The following AKT3 variants were observed in gnomAD, a reference collection of about 807,000 sequenced individuals.
The protein encoded by AKT3 is AKT serine/threonine kinase 3.
In AKT3, 15 loss-of-function variants were observed where a neutral mutation model predicts 65.3. The observed-to-expected ratio is 0.23, with a 90% CI of 0.15 to 0.35. The LOEUF (loss-of-function observed/expected upper bound fraction) is 0.35, where lower values mean the gene tolerates loss of function less well. Ranked by LOEUF, AKT3 falls within the 10% of genes least tolerant of loss-of-function variation. AKT3 has a pLI of 1.00. For missense variants in AKT3, 243 were observed against 576.5 expected, an observed-to-expected ratio of 0.42 and a Z score of 5.92; for synonymous variants, 206 against 183.8, an observed-to-expected ratio of 1.12 and a Z score of -0.98.
At chr1:243,495,879 G>C (rs570690376), downstream of AKT3, among the ~76,000 whole-genome samples, 1 of 152,298 alleles carries the variant, frequency 6.6e-6, no homozygotes, top group East Asian at 1.9e-4. Flanking sequence ...TCATCTGCCA[G>C]AGCAAGCAGG....
chr1:243,704,492 C>T (rs1315739178), intron 2 of AKT3, among the ~76,000 whole-genome samples: 1 of 152,112 alleles, frequency 6.6e-6, no homozygotes, highest in Non-Finnish European at 1.5e-5. Context: ...TCTTAGTGAT[C>T]CAGAATGTCA....
intron 6 of AKT3, among the ~76,000 whole-genome samples, chr1:243,626,819 G>A (rs574550521): frequency 1.4e-3 from 213 of 152,262 alleles, no homozygotes; most frequent in Non-Finnish European, 2.5e-3. Flanking sequence ...GGAAGTACTT[G>A]CATCCACATT....
chr1:243,495,621 T>G (rs1012239841), downstream of AKT3, among the ~76,000 whole-genome samples: 8 of 152,218 alleles, frequency 5.3e-5, no homozygotes, highest in African/African-American at 1.9e-4. Context: ...GTCGCTGTGC[T>G]GGGGACAGCA....
intron 9 of AKT3, among the ~76,000 whole-genome samples, chr1:243,566,551 T>C (rs563599615): frequency 2.0e-5 from 3 of 152,184 alleles, no homozygotes; most frequent in African/African-American, 7.2e-5. Flanking sequence ...TGGGGACTGG[T>C]AGCATACTGC....
At chr1:243,696,712 G>T (rs1165563362) in intron 2 of AKT3, among the ~76,000 whole-genome samples, 1 of 151,904 alleles carries the variant, frequency 6.6e-6, no homozygotes, top group East Asian at 1.9e-4. Flanking sequence ...TCACAGTTAG[G>T]TCAATACTGC....
intron 2 of AKT3, among the ~76,000 whole-genome samples, chr1:243,805,795 G>A (rs1388185001): frequency 6.6e-6 from 1 of 152,078 alleles, no homozygotes; most frequent in Non-Finnish European, 1.5e-5. Flanking sequence ...AGTAAAGTGT[G>A]TGTTTCTCAT....
chr1:243,616,800 TTG>T (rs1306807739), intron 6 of AKT3, among the ~76,000 whole-genome samples: 1 of 152,178 alleles, frequency 6.6e-6, no homozygotes, highest in African/African-American at 2.4e-5. Context: ...GTAAGATCAA[TTG>T]TGTCTGAACA....
At chr1:243,628,700 G>T (rs536149404) in intron 6 of AKT3, among the ~76,000 whole-genome samples, 35 of 152,270 alleles carry the variant, frequency 2.3e-4, no homozygotes, top group Admixed American at 1.4e-3. Flanking sequence ...CTTACAAAGA[G>T]CTCTCACTGA....
intron 10 of AKT3, 114 bp downstream of exon 10, chr1:243,563,606 G>C (rs1673949849): frequency 7.5e-7 from 1 of 1,325,660 alleles, no homozygotes; most frequent in Admixed American, 2.7e-5. Flanking sequence ...TTTGATTCAG[G>C]TTGAAATATA....
At chr1:243,561,778 C>T (rs1286504000) in intron 10 of AKT3, among the ~76,000 whole-genome samples, 1 of 152,156 alleles carries the variant, frequency 6.6e-6, no homozygotes, top group African/African-American at 2.4e-5. Flanking sequence ...ACCTTTGCAA[C>T]AGGTACCATC....
intron 1 of AKT3, chr1:243,843,592 G>C: frequency 9.9e-7 from 1 of 1,006,770 alleles, no homozygotes; most frequent in Non-Finnish European, 1.2e-6. Context: ...GAGGTGAAGA[G>C]GGAAGAGAAT....
chr1:243,741,173 T>G (rs1174618661), intron 2 of AKT3, among the ~76,000 whole-genome samples: 1 of 152,212 alleles, frequency 6.6e-6, no homozygotes, highest in Non-Finnish European at 1.5e-5. Flanking sequence ...ACTTTTAGTA[T>G]TTTCATGATA....
chr1:243,702,218 A>G (rs921451902), intron 2 of AKT3, among the ~76,000 whole-genome samples: 2 of 152,142 alleles, frequency 1.3e-5, no homozygotes, highest in Admixed American at 1.3e-4. Context: ...TGTGTAACAA[A>G]AGGTACAACA....
intron 3 of AKT3, among the ~76,000 whole-genome samples, chr1:243,690,358 C>CA (rs902780770): frequency 1.3e-5 from 2 of 151,988 alleles, no homozygotes; most frequent in African/African-American, 4.8e-5. Context: ...CTGTTTTACT[C>CA]AAAGTAAAAT....
chr1:243,599,130 A>G (rs1272467813), intron 8 of AKT3, among the ~76,000 whole-genome samples: 2 of 152,174 alleles, frequency 1.3e-5, no homozygotes, highest in Non-Finnish European at 2.9e-5. Context: ...TGTTTTAAAG[A>G]AAGGGAAACA....
chr1:243,826,674 C>T (rs1405559572), intron 2 of AKT3, among the ~76,000 whole-genome samples: 1 of 152,190 alleles, frequency 6.6e-6, no homozygotes, highest in African/African-American at 2.4e-5. Flanking sequence ...GAGATAGCTT[C>T]AATCTCTGAT....
At chr1:243,593,770 T>C (rs1676405213) in intron 8 of AKT3, among the ~76,000 whole-genome samples, 1 of 152,148 alleles carries the variant, frequency 6.6e-6, no homozygotes. Context: ...GATGGTAAAA[T>C]ATTCTAGGAA....
chr1:243,850,662 G>T (rs561310736), upstream of AKT3, among the ~76,000 whole-genome samples: 19 of 151,560 alleles, frequency 1.3e-4, no homozygotes, highest in East Asian at 2.2e-3. Context: ...GGCTCTCGGC[G>T]ACTGGCGGGA....
chr1:243,595,173 C>G (rs1240003271), intron 8 of AKT3, among the ~76,000 whole-genome samples: 3 of 152,168 alleles, frequency 2.0e-5, no homozygotes, highest in Non-Finnish European at 2.9e-5. Context: ...AGGTACAGAC[C>G]TGTACAGCAT....
Sources: allele counts gnomAD v4.1 joint callset (sites outside exome capture counted in the v4.1 genomes callset), GRCh38; gene constraint gnomAD v4.1.1; transcripts MANE v1.5; gene names NCBI Gene and HGNC (gene_info 2026-07-23, HGNC 2026-07-21).